Variants in SLC14A2 observed in about 807,000 individuals in gnomAD.
The protein encoded by SLC14A2 is urea transporter 2.
A neutral mutation model predicts 104.6 loss-of-function variants in SLC14A2; 91 were observed. The ratio of observed to expected loss-of-function variants is 0.87; its 90% CI spans 0.73 to 1.04. The LOEUF is 1.04. Among genes scored for constraint, SLC14A2 ranks in the 50% least tolerant of loss-of-function variants. SLC14A2 has a pLI of 0.00. For missense variants in SLC14A2, 1,189 were observed against 1,156.0 expected (o/e 1.03, Z -0.41); for synonymous variants, 476 against 466.4 (o/e 1.02, Z -0.27).
intron 1 of SLC14A2, among the ~76,000 whole-genome samples, chr18:45,388,825 G>A (rs1383135674): frequency 2.0e-5 from 3 of 152,244 alleles, no homozygotes; most frequent in Admixed American, 1.3e-4. Flanking sequence ...ACACAAATAC[G>A]CATTTGTGAG....
chr18:45,193,941 T>C, the SLC14A2 span, among the ~76,000 whole-genome samples: 3 of 152,292 alleles, frequency 2.0e-5, no homozygotes, highest in East Asian at 3.9e-4. Context: ...TTTTCTCTGA[T>C]TTTCCCCAAA....
intron 1 of SLC14A2, among the ~76,000 whole-genome samples, chr18:45,223,752 A>T (rs1015013594): frequency 1.3e-5 from 2 of 152,204 alleles, no homozygotes; most frequent in Non-Finnish European, 2.9e-5. Context: ...GTCCAGAGGC[A>T]GGAGATCAAT....
At chr18:45,319,799 G>C (rs1277741790) in intron 1 of SLC14A2, among the ~76,000 whole-genome samples, 2 of 152,236 alleles carry the variant, frequency 1.3e-5, no homozygotes, top group Non-Finnish European at 2.9e-5. Context: ...GGGGGTAGAA[G>C]TTGTAGATAA....
chr18:45,642,435 G>A (rs757441817), intron 8 of SLC14A2, among the ~76,000 whole-genome samples: 1 of 152,206 alleles, frequency 6.6e-6, no homozygotes, highest in African/African-American at 2.4e-5. Flanking sequence ...AAGCCTACAG[G>A]GGGAGGCTAG....
chr18:45,541,864 A>G (rs2043888485), intron 2 of SLC14A2, among the ~76,000 whole-genome samples: 2 of 152,062 alleles, frequency 1.3e-5, no homozygotes, highest in South Asian at 4.1e-4. Context: ...CACCCTGTTT[A>G]CTGTGTGTTC....
intron 11 of SLC14A2, among the ~76,000 whole-genome samples, chr18:45,664,231 G>T (rs1382767944): frequency 6.6e-6 from 1 of 152,186 alleles, no homozygotes; most frequent in East Asian, 1.9e-4. Flanking sequence ...AGCTTCTAAA[G>T]CTCTCCAGGA....
chr18:45,209,174 A>T (rs978237277), upstream of SLC14A2, among the ~76,000 whole-genome samples: 4 of 141,164 alleles, frequency 2.8e-5, no homozygotes, highest in Admixed American at 7.0e-5. Flanking sequence ...ATCTCTATTA[A>T]AAATACAAAA....
At position 45,673,805 on chromosome 18, in the gene SLC14A2, G is replaced by A. The variant is rs766518249; in HGVS notation, c.2500G>A (p.Ala834Thr). Reference sequence around the variant, plus strand: ...CATCACCTGGCAGACGCACCTCCTCGCCATCGCCTGCGGTAGGTACTCCCC... The same window carrying A: ...CATCACCTGGCAGACGCACCTCCTCACCATCGCCTGCGGTAGGTACTCCCC... Reference protein sequence around the residue: ...YVITWQTHLLAIACALFAAYL... With the variant: ...YVITWQTHLLTIACALFAAYL... Residue 834 changes from alanine to threonine, a missense_variant, in exon 18 of 20, where the codon GCC (alanine) becomes ACC (threonine). Physicochemically the swap from Ala to Thr is moderately conservative, Grantham distance 58 (BLOSUM62 0). Transcript: ENST00000255226. The A allele has an allele frequency of 3.0e-5, 48 of 1,613,802 alleles. No individual in the cohort carries two copies. The highest frequency in any genetic ancestry group is 1.9e-4 in the South Asian group (17 of 91,084).
chr18:45,418,793 G>A (rs1266853096), intron 1 of SLC14A2, among the ~76,000 whole-genome samples: 3 of 152,100 alleles, frequency 2.0e-5, no homozygotes, highest in Non-Finnish European at 4.4e-5. Context: ...TGAGGAGGTG[G>A]ATTTACCTCT....
chr18:45,618,696 A>AAAAAAG lies in SLC14A2; in HGVS notation c.-35+3116_-35+3117insAAAGAA, dbSNP rs1555714274. Among the ~76,000 whole-genome samples, 9 of 144,464 alleles carry AAAAAAG rather than the reference A, an allele frequency of 6.2e-5. 1 individual carries two copies. Among genetic ancestry groups the AAAAAAG allele is most frequent in the African/African-American group, 2.5e-4 (9 of 36,356 alleles). The allele number at this position is 144,464 out of a possible 152,430, so 94.8% of individuals were successfully genotyped here. ...AAAAAAAAAAAAAAAAAAAAAAAAA[A>AAAAAAG]AAGAAGTAGTAAATGGGGCCATTTG... On this transcript the variant is annotated intron_variant, in intron 1 of 19. Coordinates refer to ENST00000255226, the MANE Select transcript of SLC14A2 (RefSeq NM_007163.4).
the SLC14A2 span, among the ~76,000 whole-genome samples, chr18:45,188,072 AT>A: frequency 6.6e-6 from 1 of 152,112 alleles, no homozygotes; most frequent in African/African-American, 2.4e-5. Flanking sequence ...GGAGGGTGTA[AT>A]TTAAAGAGTG....
At chr18:45,422,796 C>A (rs1487388746) in intron 1 of SLC14A2, among the ~76,000 whole-genome samples, 8 of 152,200 alleles carry the variant, frequency 5.3e-5, no homozygotes, top group Non-Finnish European at 1.5e-5. Context: ...CTCTGCTTTT[C>A]ATTTCCTCAT....
At chr18:45,297,823 AG>A (rs1435676827) in intron 1 of SLC14A2, among the ~76,000 whole-genome samples, 3 of 152,152 alleles carry the variant, frequency 2.0e-5, no homozygotes, top group Non-Finnish European at 4.4e-5. Context: ...TTCTGCAAAT[AG>A]CAGGCACCCA....
chr18:45,404,074 AG>A (rs977331953), intron 1 of SLC14A2, among the ~76,000 whole-genome samples: 2 of 152,084 alleles, frequency 1.3e-5, no homozygotes, highest in African/African-American at 4.8e-5. Flanking sequence ...TGGTTAACTG[AG>A]TTTGGGCATT....
intron 2 of SLC14A2, among the ~76,000 whole-genome samples, chr18:45,583,394 T>G (rs1353343056): frequency 1.3e-5 from 2 of 152,212 alleles, no homozygotes; most frequent in Non-Finnish European, 2.9e-5. Flanking sequence ...TCCTATTCAC[T>G]GGGTTTCATT....
chr18:45,540,756 A>C (rs2043872689), intron 2 of SLC14A2, among the ~76,000 whole-genome samples: 1 of 151,874 alleles, frequency 6.6e-6, no homozygotes, highest in Non-Finnish European at 1.5e-5. Context: ...AATTAATAAC[A>C]ATAATAATAA....
chr18:45,180,334 GATTA>G, the SLC14A2 span, among the ~76,000 whole-genome samples: 4 of 152,184 alleles, frequency 2.6e-5, no homozygotes, highest in East Asian at 1.9e-4. Context: ...CTGTTGTGAG[GATTA>G]ATTGAGTTAT....
At chr18:45,216,454 C>G (rs754655013) in intron 1 of SLC14A2, among the ~76,000 whole-genome samples, 1 of 152,202 alleles carries the variant, frequency 6.6e-6, no homozygotes, top group Non-Finnish European at 1.5e-5. Context: ...TATGGCTAAT[C>G]TCATCTGTTT....
chr18:45,542,846 C>T (rs984349494), intron 2 of SLC14A2, among the ~76,000 whole-genome samples: 1 of 151,988 alleles, frequency 6.6e-6, no homozygotes, highest in Admixed American at 6.5e-5. Context: ...TGGATGTGGC[C>T]TCTTATCCCT....
Sources: gnomAD v4.1 joint callset for allele counts (sites outside exome capture counted in the v4.1 genomes callset) on GRCh38, gnomAD v4.1.1 for gene constraint, MANE v1.5 for transcripts, NCBI Gene and HGNC (gene_info 2026-07-23, HGNC 2026-07-21) for gene names.